Variants in ANKS1B observed in about 807,000 individuals in gnomAD.
ANKS1B encodes the protein ankyrin repeat and sterile alpha motif domain-containing protein 1B.
Under a neutral mutation model 148.3 loss-of-function variants are expected in ANKS1B, and 36 were observed. That is an observed-to-expected ratio of 0.24 (90% confidence interval 0.19 to 0.32). The LOEUF (loss-of-function observed/expected upper bound fraction) is 0.32, where lower values mean the gene tolerates loss of function less well. Ranked by LOEUF, ANKS1B falls within the 10% of genes least tolerant of loss-of-function variation. ANKS1B has a pLI of 1.00. For synonymous variants in ANKS1B, 542 were observed against 560.8 expected, an observed-to-expected ratio of 0.97 and a Z score of 0.47; for missense variants, 1,157 against 1,542.6, an observed-to-expected ratio of 0.75 and a Z score of 4.19.
chr12:98,739,016 CGTT>C (rs1160849210), downstream of ANKS1B, among the ~76,000 whole-genome samples: 13 of 152,306 alleles, frequency 8.5e-5, no homozygotes, highest in East Asian at 2.5e-3. Context: ...ATTTTCCATA[CGTT>C]ATTTAACTGA....
At chr12:98,881,183 G>A (rs1436677918) in intron 17 of ANKS1B, among the ~76,000 whole-genome samples, 1 of 152,102 alleles carries the variant, frequency 6.6e-6, no homozygotes, top group Non-Finnish European at 1.5e-5. Context: ...ACTGAACACT[G>A]TAGTATAAAT....
At chr12:99,229,145 AT>A (rs977028618) in intron 14 of ANKS1B, among the ~76,000 whole-genome samples, 6 of 151,486 alleles carry the variant, frequency 4.0e-5, no homozygotes, top group African/African-American at 1.5e-4. Flanking sequence ...GTCCTTTCAG[AT>A]TTTTTTTGCA....
chr12:99,005,473 T>C (rs575603799), intron 17 of ANKS1B, among the ~76,000 whole-genome samples: 38 of 152,318 alleles, frequency 2.5e-4, no homozygotes, highest in African/African-American at 7.9e-4. Flanking sequence ...GGTTTTTAAG[T>C]GGATGCCTCC....
At chr12:99,741,206 A>AACACACACACACACACACACAC (rs774613671) in intron 8 of ANKS1B, among the ~76,000 whole-genome samples, 9 of 135,404 alleles carry the variant, frequency 6.6e-5, no homozygotes, top group Admixed American at 2.2e-4. Flanking sequence ...GGCTCCGTCA[A>AACACACACACACACACACACAC]ACACACACAC....
intron 12 of ANKS1B, among the ~76,000 whole-genome samples, chr12:99,269,247 C>T (rs1284459326): frequency 3.3e-5 from 5 of 152,182 alleles, no homozygotes; most frequent in Admixed American, 1.3e-4. Context: ...CAAGCAAATA[C>T]ATTTTTTTAT....
chr12:98,968,423 T>G (rs1307616329), intron 17 of ANKS1B, among the ~76,000 whole-genome samples: 1 of 152,104 alleles, frequency 6.6e-6, no homozygotes, highest in Non-Finnish European at 1.5e-5. Context: ...CTTGCTCAAG[T>G]TGGAGAACTA....
intron 14 of ANKS1B, among the ~76,000 whole-genome samples, chr12:99,213,598 G>A (rs1041000686): frequency 1.3e-5 from 2 of 152,188 alleles, no homozygotes; most frequent in South Asian, 2.1e-4. Context: ...TATGGAGAGC[G>A]GGAAAGGAGC....
chr12:99,288,338 GA>G (rs1359807329), intron 12 of ANKS1B, among the ~76,000 whole-genome samples: 1 of 152,060 alleles, frequency 6.6e-6, no homozygotes, highest in African/African-American at 2.4e-5. Context: ...ACATGAAGGA[GA>G]AATAAAGATC....
intron 9 of ANKS1B, among the ~76,000 whole-genome samples, chr12:99,504,842 C>T (rs1242222492): frequency 1.3e-5 from 2 of 151,960 alleles, no homozygotes; most frequent in Non-Finnish European, 2.9e-5. Context: ...TTTAAAAGGA[C>T]TGAATTTATT....
chr12:99,871,465 G>C (rs1174944795), intron 1 of ANKS1B, among the ~76,000 whole-genome samples: 2 of 152,098 alleles, frequency 1.3e-5, no homozygotes, highest in Non-Finnish European at 2.9e-5. Flanking sequence ...TTGGTAGTTT[G>C]ATAGGAATAG....
intron 8 of ANKS1B, among the ~76,000 whole-genome samples, chr12:99,719,725 T>C (rs2057868955): frequency 6.6e-6 from 1 of 152,196 alleles, no homozygotes. Flanking sequence ...AAGGGTCCTC[T>C]ATCATTAATG....
At position 98,829,921 on chromosome 12, in the gene ANKS1B, G is replaced by T. The variant is rs2099282367; in HGVS notation, c.2887-568C>A. 6.6e-6 allele frequency among the ~76,000 whole-genome samples: 1 copy of T among 152,216 alleles called. No individual in the cohort carries two copies. The highest frequency in any genetic ancestry group is 2.4e-5 in the African/African-American group (1 of 41,454). On this transcript the variant is annotated intron_variant, in intron 18 of 26. Coordinates refer to ENST00000683438, the MANE Select transcript of ANKS1B (RefSeq NM_001352186.2). This position sits in a 1 kb window ranked among gnomAD's most constrained non-coding sequence, Gnocchi z 5.2. ...AGGGAAACGGGTCAGGAGGAAGATA[G>T]GGGGCATAGACAGCTCAGCTCTACT...
At chr12:99,382,426 G>A (rs2093675594) in intron 12 of ANKS1B, among the ~76,000 whole-genome samples, 1 of 152,098 alleles carries the variant, frequency 6.6e-6, no homozygotes, top group African/African-American at 2.4e-5. Context: ...AAAAGAAAGA[G>A]GGGCAGTGGC....
At chr12:99,134,210 T>C (rs1050119411) in intron 15 of ANKS1B, among the ~76,000 whole-genome samples, 4 of 152,298 alleles carry the variant, frequency 2.6e-5, no homozygotes, top group Middle Eastern at 3.4e-3. Context: ...ACTGAGCCCA[T>C]TGGTTTATCT....
intron 9 of ANKS1B, among the ~76,000 whole-genome samples, chr12:99,641,426 T>C: frequency 6.6e-6 from 1 of 152,142 alleles, no homozygotes; most frequent in South Asian, 2.1e-4. Context: ...CAGTTTTGTA[T>C]CATTTACAGT....
intron 1 of ANKS1B, among the ~76,000 whole-genome samples, chr12:99,876,897 G>A (rs2092121200): frequency 3.3e-5 from 5 of 152,136 alleles, no homozygotes; most frequent in South Asian, 2.1e-4. Context: ...AAAAAGACTC[G>A]AAACACAGCA....
intron 15 of ANKS1B, among the ~76,000 whole-genome samples, chr12:99,086,858 C>G (rs1183947383): frequency 6.6e-6 from 1 of 152,010 alleles, no homozygotes; most frequent in East Asian, 1.9e-4. Context: ...ATAGAAATGA[C>G]AGAATATCCA....
chr12:99,245,718 C>G (rs2090125497), intron 13 of ANKS1B, among the ~76,000 whole-genome samples: 1 of 152,184 alleles, frequency 6.6e-6, no homozygotes, highest in Admixed American at 6.5e-5. Context: ...TTAAGTAGAA[C>G]TGAAATTGGT....
At chr12:99,353,854 T>A (rs1033289943) in intron 12 of ANKS1B, among the ~76,000 whole-genome samples, 1 of 152,078 alleles carries the variant, frequency 6.6e-6, no homozygotes, top group Non-Finnish European at 1.5e-5. Flanking sequence ...GAGCCTGCTC[T>A]TCTTTCTATG....
Sources: allele counts gnomAD v4.1 joint callset (sites outside exome capture counted in the v4.1 genomes callset), GRCh38; gene constraint gnomAD v4.1.1; non-coding constraint Gnocchi (gnomAD v3.1); transcripts MANE v1.5; gene names NCBI Gene and HGNC (gene_info 2026-07-23, HGNC 2026-07-21).